The following CDH18 variants were observed in gnomAD, a reference collection of about 807,000 sequenced individuals.
CDH18 encodes the protein cadherin 18, also known as cadherin-18.
In CDH18, 31 loss-of-function variants were observed where a neutral mutation model predicts 67.9. The observed-to-expected ratio is 0.46, with a 90% confidence interval of 0.34 to 0.62. The LOEUF is 0.62. Among genes scored for constraint, CDH18 ranks in the 20% least tolerant of loss-of-function variants. The pLI, the probability that CDH18 is intolerant of heterozygous loss-of-function variation, is 0.01. For synonymous variants in CDH18, 362 were observed against 347.2 expected, an observed-to-expected ratio of 1.04 and a Z score of -0.48; for missense variants, 890 against 975.5, an observed-to-expected ratio of 0.91 and a Z score of 1.17.
intron 3 of CDH18, among the ~76,000 whole-genome samples, chr5:19,810,171 A>C (rs1359025139): frequency 6.6e-6 from 1 of 151,866 alleles, no homozygotes; most frequent in East Asian, 1.9e-4. Context: ...CTCTACTAAA[A>C]ATACAAAAAT....
At chr5:20,558,058 A>G (rs1437362580) in intron 1 of CDH18, among the ~76,000 whole-genome samples, 1 of 151,740 alleles carries the variant, frequency 6.6e-6, no homozygotes, top group Non-Finnish European at 1.5e-5. Flanking sequence ...TTATATAACA[A>G]TCTGATTGTT....
intron 8 of CDH18, among the ~76,000 whole-genome samples, chr5:19,553,422 A>T (rs147377838): frequency 0.01 from 1,531 of 151,714 alleles, 22 homozygotes; most frequent in African/African-American, 0.032. Flanking sequence ...TAAAATTAAA[A>T]AAATAAATAA....
At position 20,560,193 on chromosome 5, in the gene CDH18, A is replaced by C. The variant is rs116824772; in HGVS notation, c.-580+15269T>G. Among the ~76,000 whole-genome samples, 499 of 152,150 alleles carry C rather than the reference A, an allele frequency of 3.3e-3. 5 individuals carry two copies. Among genetic ancestry groups the C allele is most frequent in the African/African-American group, 0.012 (480 of 41,540 alleles). ...CTGAGTTTCTTATTTGACAGGGATA[A>C]TTTTTAAAGGGACTTGTCCTAGAAT... On this transcript the variant is annotated intron_variant, in intron 1 of 14. Transcript: ENST00000507958.
At chr5:20,112,361 AT>A (rs1430714638) in intron 2 of CDH18, among the ~76,000 whole-genome samples, 4 of 152,132 alleles carry the variant, frequency 2.6e-5, no homozygotes, top group South Asian at 2.1e-4. Context: ...TAATGGCTGA[AT>A]TTTTTTCAGC....
intron 1 of CDH18, among the ~76,000 whole-genome samples, chr5:20,374,373 A>G (rs1432749671): frequency 6.6e-6 from 1 of 152,216 alleles, no homozygotes; most frequent in Non-Finnish European, 1.5e-5. Flanking sequence ...AAACAGTCAG[A>G]ATGCAGTGAA....
intron 1 of CDH18, among the ~76,000 whole-genome samples, chr5:20,543,666 T>C (rs940679548): frequency 1.3e-5 from 2 of 152,176 alleles, no homozygotes; most frequent in African/African-American, 4.8e-5. Flanking sequence ...TGACTTTCTC[T>C]TTGTCACTAC....
At chr5:19,600,478 T>A (rs1746947186) in intron 6 of CDH18, among the ~76,000 whole-genome samples, 1 of 151,004 alleles carries the variant, frequency 6.6e-6, no homozygotes, top group Non-Finnish European at 1.5e-5. Context: ...ATGCTTAGGG[T>A]CACTAAGGGT....
At chr5:19,554,087 T>G (rs1737950493) in intron 8 of CDH18, among the ~76,000 whole-genome samples, 1 of 152,170 alleles carries the variant, frequency 6.6e-6, no homozygotes, top group Admixed American at 6.6e-5. Flanking sequence ...AAAGAAGGTA[T>G]AATTTCTCAC....
chr5:20,412,626 G>C (rs1267176406), intron 1 of CDH18, among the ~76,000 whole-genome samples: 1 of 152,054 alleles, frequency 6.6e-6, no homozygotes, highest in East Asian at 1.9e-4. Context: ...CTAGAATCTA[G>C]AAGGAACTAA....
intron 2 of CDH18, among the ~76,000 whole-genome samples, chr5:19,897,743 A>C (rs763069673): frequency 2.0e-5 from 3 of 152,106 alleles, no homozygotes; most frequent in Non-Finnish European, 4.4e-5. Flanking sequence ...ATCATGAAAT[A>C]ATTACAACTA....
chr5:19,977,369 T>C (rs569278450), intron 2 of CDH18, among the ~76,000 whole-genome samples: 1 of 152,244 alleles, frequency 6.6e-6, no homozygotes, highest in South Asian at 2.1e-4. Context: ...ATTTGCACGT[T>C]TTTTATTACC....
At chr5:20,559,047 A>G (rs139848023) in intron 1 of CDH18, among the ~76,000 whole-genome samples, 2 of 151,096 alleles carry the variant, frequency 1.3e-5, no homozygotes, top group East Asian at 3.9e-4. Context: ...TTACCGGCAG[A>G]CTAGATTAAT....
At chr5:20,543,521 C>T (rs1461366252) in intron 1 of CDH18, among the ~76,000 whole-genome samples, 1 of 151,956 alleles carries the variant, frequency 6.6e-6, no homozygotes, top group East Asian at 1.9e-4. Context: ...ATTTTTATGC[C>T]TTTAGCATGG....
At chr5:20,014,375 C>T (rs1003314918) in intron 2 of CDH18, among the ~76,000 whole-genome samples, 2 of 151,908 alleles carry the variant, frequency 1.3e-5, no homozygotes, top group African/African-American at 4.8e-5. Context: ...GAGAACTCTC[C>T]CAGAAACGAC....
intron 1 of CDH18, among the ~76,000 whole-genome samples, chr5:20,277,152 T>A (rs1745871508): frequency 6.6e-6 from 1 of 151,980 alleles, no homozygotes; most frequent in South Asian, 2.1e-4. Flanking sequence ...GGTCCTTGAG[T>A]GAACACAGGC....
chr5:19,504,115 C>A lies in CDH18; in HGVS notation c.1513-1006G>T, dbSNP rs959757166. Among the ~76,000 whole-genome samples, 6 of 151,964 alleles carry A rather than the reference C, an allele frequency of 3.9e-5. 1 individual carries two copies. The highest frequency in any genetic ancestry group is 7.2e-5 in the African/African-American group (3 of 41,396). ...CTTAAATTTCTCTGCGTGTTCTGAG[C>A]CCATTAGTTTGTCAGAAAGATGAGG... On this transcript the variant is annotated intron_variant, in intron 10 of 12. Coordinates refer to ENST00000382275, the MANE Select transcript of CDH18 (RefSeq NM_004934.5).
At chr5:19,627,952 TTG>T (rs529501457) in intron 5 of CDH18, among the ~76,000 whole-genome samples, 49 of 152,228 alleles carry the variant, frequency 3.2e-4, no homozygotes, top group Non-Finnish European at 6.0e-4. Context: ...TTAGCTTTGT[TTG>T]TAAGTAAGAT....
chr5:20,066,280 C>A (rs1382396863), intron 2 of CDH18, among the ~76,000 whole-genome samples: 1 of 152,044 alleles, frequency 6.6e-6, no homozygotes, highest in African/African-American at 2.4e-5. Context: ...CTCCCACCAT[C>A]CCCAGTGATT....
chr5:19,919,858 T>C (rs1331636723), intron 2 of CDH18, among the ~76,000 whole-genome samples: 1 of 152,142 alleles, frequency 6.6e-6, no homozygotes, highest in Non-Finnish European at 1.5e-5. Flanking sequence ...GTTTTTCATA[T>C]ACAAATAAAA....
Sources: gnomAD v4.1 joint callset for allele counts (sites outside exome capture counted in the v4.1 genomes callset) on GRCh38, gnomAD v4.1.1 for gene constraint, MANE v1.5 for transcripts, NCBI Gene and HGNC (gene_info 2026-07-23, HGNC 2026-07-21) for gene names.